The following UBR4 variants were observed in gnomAD, a reference collection of about 807,000 sequenced individuals.
UBR4 encodes E3 ubiquitin-protein ligase UBR4.
In UBR4, 124 loss-of-function variants were observed where a neutral mutation model predicts 575.6. The ratio of observed to expected loss-of-function variants is 0.22; its 90% CI spans 0.19 to 0.25. UBR4 has a LOEUF of 0.25. UBR4 is among the 10% of genes least tolerant of loss of function. The pLI, the probability that UBR4 is intolerant of heterozygous loss-of-function variation, is 1.00. For missense variants in UBR4, 4,818 were observed against 6,478.8 expected (o/e 0.74, Z 8.80); for synonymous variants, 2,455 against 2,473.7 (o/e 0.99, Z 0.22).
At position 19,201,767 on chromosome 1, in the gene UBR4, T is replaced by C. The variant is rs763500817; in HGVS notation, c.225A>G (p.Ser75=). ...AGTGTGTGGAAAGTGCAACAAAAGA[T>C]GAGTAGAATGGCTCGTACTGCTTCT... ...HHEKQYEPFY[S]SFVALSTHYI... is the part of the protein sequence containing the mutation. Residue 75 remains serine (S), a synonymous_variant, in exon 2 of 106, where the codon TCA becomes TCG. Transcript: ENST00000375254. 1 of 1,614,126 alleles carries C rather than the reference T, an allele frequency of 6.2e-7. No individual in the cohort carries two copies. The highest frequency in any genetic ancestry group is 1.1e-5 in the South Asian group (1 of 91,078).
rs376346132 is a variant in UBR4, at chr1:19,151,714, C to T, written c.7142G>A (p.Arg2381His). The T allele has an allele frequency of 2.1e-5, 34 of 1,614,162 alleles. No individual in the cohort carries two copies. Among genetic ancestry groups the T allele is most frequent in the Non-Finnish European group, 2.7e-5 (32 of 1,180,006 alleles). The change falls in exon 48 of 106, where the codon CGC becomes CAC. Residue 2381 changes from arginine (R) to histidine (H), a missense_variant. Coordinates refer to ENST00000375254, the MANE Select transcript of UBR4 (RefSeq NM_020765.3). ...GAAGGGGAAGTCAAACCAGCGTGAG[C>T]GACTCAGGTTGAGCTGCATAGTTCT... is the stretch of plus-strand genomic sequence containing the variant. ...FGRTMQLNLS[R>H]SRWFDFPFTR...
Position 19,106,985 on chromosome 1 carries a change from G to A in UBR4, c.12106-19C>T, listed in dbSNP as rs1232222715. ...GGACATCCTGGAGGAGGCAAGTGGA[G>A]CAAGGTGAGGGCGCTCAAGGGCACA... On this transcript the variant is annotated intron_variant, in intron 81 of 105. Coordinates refer to ENST00000375254, the MANE Select transcript of UBR4 (RefSeq NM_020765.3). The A allele has an allele frequency of 1.9e-6, 3 of 1,611,022 alleles. No homozygotes were observed. The highest frequency in any genetic ancestry group is 1.7e-5 in the Admixed American group (1 of 59,890).
At chr1:19,107,583 G>C (rs141686730) in intron 81 of UBR4, among the ~76,000 whole-genome samples, 3 of 152,224 alleles carry the variant, frequency 2.0e-5, no homozygotes, top group Admixed American at 6.5e-5. Context: ...AGGAGTTCGA[G>C]ACCAGCCTGG....
At position 19,210,170 on chromosome 1, in the gene UBR4, G is replaced by A; in HGVS notation, c.79C>T (p.Pro27Ser). Residue 27 changes from proline to serine, a missense_variant, in exon 1 of 106, where the codon CCG (proline) becomes TCG (serine). Coordinates refer to ENST00000375254, the MANE Select transcript of UBR4 (RefSeq NM_020765.3). ...GGCCGCACAGCCACCTCCCAGCCCG[G>A]GGTCGTGTCCGCCCCCGTTGCCGGG... is the stretch of plus-strand genomic sequence containing the variant. Reference protein sequence around the residue: ...GTPATGADTTPGWEVAVRPLL... With the variant: ...GTPATGADTTSGWEVAVRPLL... The A allele has an allele frequency of 5.2e-6, 8 of 1,544,430 alleles. No individual in the cohort carries two copies. The highest frequency in any genetic ancestry group is 6.1e-6 in the Non-Finnish European group (7 of 1,149,780).
rs111530956 is a variant in UBR4 at position 19,202,658 on chromosome 1, C to T, written c.177-843G>A. ...AGAGTCGGTGATTTTTTTTTTTAACCACATCCCTTATCCTTAGCTGGGGAA... is the reference window on the plus strand; with the variant it reads ...AGAGTCGGTGATTTTTTTTTTTAACTACATCCCTTATCCTTAGCTGGGGAA... On this transcript the variant is annotated intron_variant, in intron 1 of 105. Transcript: ENST00000375254. Among the ~76,000 whole-genome samples, 164 of 151,990 alleles carry T rather than the reference C, an allele frequency of 1.1e-3. 2 individuals are homozygous for T. The highest frequency in any genetic ancestry group is 3.7e-3 in the African/African-American group (152 of 41,426).
Position 19,187,169 on chromosome 1 carries a change from T to C in UBR4, c.1627A>G (p.Arg543Gly), listed in dbSNP as rs780979323. Residue 543 changes from arginine (R) to glycine (G), a missense_variant, in exon 13 of 106, where the codon AGA becomes GGA. Arg to Gly is a moderately radical substitution (Grantham distance 125). Coordinates refer to ENST00000375254, the MANE Select transcript of UBR4 (RefSeq NM_020765.3). ...ATGGCTTAACTCCCACCCACCTTTC[T>C]GTAGGAAGTTGAAAGTAACGTCAAG... ...LLLTLLSTSY[R>G]KACVLQRQRK... is the part of the protein sequence containing the mutation. The C allele has an allele frequency of 5.0e-6, 8 of 1,608,510 alleles. No individual in the cohort carries two copies. The highest frequency in any genetic ancestry group is 2.7e-5 in the African/African-American group (2 of 74,754).
intron 104 of UBR4, 58 bp from the exon 105 acceptor site, chr1:19,076,960 G>T (rs117829833): frequency 1.2e-5 from 18 of 1,508,910 alleles, no homozygotes; most frequent in Admixed American, 4.6e-5. Context: ...CTCATCTTCC[G>T]CCTCAAGTCA....
In UBR4 at chr1:19,201,723, C is replaced by T. The variant is rs2092754246; in HGVS notation, c.269G>A (p.Ser90Asn). 6.2e-7 allele frequency: 1 copy of T among 1,613,496 alleles called. No homozygotes were observed. Among genetic ancestry groups the T allele is most frequent in the Non-Finnish European group, 8.5e-7 (1 of 1,179,530 alleles). Residue 90 changes from serine (S) to asparagine (N), a missense_variant, in exon 2 of 106, where the codon AGT (serine) becomes AAT (asparagine). Physicochemically the swap from Ser to Asn is conservative, Grantham distance 46 (BLOSUM62 1). Coordinates refer to ENST00000375254, the MANE Select transcript of UBR4 (RefSeq NM_020765.3). Reference sequence around the variant, plus strand: ...GACAAGAGTGGAATACTTACTGAGACTGCAAACTGTTGTAATATAGTGTGT... The same window carrying T: ...GACAAGAGTGGAATACTTACTGAGATTGCAAACTGTTGTAATATAGTGTGT... The part of the protein sequence containing the change: ...LSTHYITTVC[S>N]LIPRNQLQSV...
At position 19,171,910 on chromosome 1, in the gene UBR4, TA is replaced by T. The variant is rs113734675; in HGVS notation, c.3521+953del. Reference sequence around the variant, plus strand: ...TCCTACAGGGACCAGATAAAGTCAATAAGCTTAAGAGAGCCCGGTGAAAACT... The same window carrying T: ...TCCTACAGGGACCAGATAAAGTCAATAGCTTAAGAGAGCCCGGTGAAAACT... On this transcript the variant is annotated intron_variant, in intron 25 of 105. Coordinates refer to ENST00000375254, the MANE Select transcript of UBR4 (RefSeq NM_020765.3). Among the ~76,000 whole-genome samples, 658 of 152,170 alleles carry T rather than the reference TA, an allele frequency of 4.3e-3. 5 individuals are homozygous for T. The highest frequency in any genetic ancestry group is 0.017 in the Middle Eastern group (5 of 294).
chr1:19,155,162 T>C, intron 43 of UBR4, 87 bp from the exon 44 acceptor site: 1 of 1,552,172 alleles, frequency 6.4e-7, no homozygotes, highest in Non-Finnish European at 8.8e-7. Flanking sequence ...TTTTCAATCA[T>C]GATCAGGTGC....
chr1:19,208,192 G>C (rs1355957259), intron 1 of UBR4, among the ~76,000 whole-genome samples: 1 of 151,986 alleles, frequency 6.6e-6, no homozygotes, highest in African/African-American at 2.4e-5. Context: ...TTCCGGCTGG[G>C]CACGGTAGCT....
intron 97 of UBR4, among the ~76,000 whole-genome samples, chr1:19,090,862 A>AGGGGAGCGGATCACCTGAGGTCAGGAGTT (rs1253108482): frequency 8.5e-5 from 13 of 152,172 alleles, no homozygotes; most frequent in Non-Finnish European, 1.5e-4. Context: ...TGGGAGGCTG[A>AGGGGAGCGGATCACCTGAGGTCAGGAGTT]GGGGAGCGGA....
At chr1:19,106,291 A>C (rs2079188355) in intron 83 of UBR4, among the ~76,000 whole-genome samples, 1 of 152,212 alleles carries the variant, frequency 6.6e-6, no homozygotes, top group Non-Finnish European at 1.5e-5. Context: ...GAAGATACGA[A>C]AAATGGAAGG....
At chr1:19,196,751 C>T (rs943618190) in intron 8 of UBR4, among the ~76,000 whole-genome samples, 18 of 152,234 alleles carry the variant, frequency 1.2e-4, no homozygotes, top group Admixed American at 1.1e-3. Flanking sequence ...TTCTATACTT[C>T]TATTGCCTTT....
At position 19,153,931 on chromosome 1, in the gene UBR4, C is replaced by T; in HGVS notation, c.6467G>A (p.Gly2156Asp). 2 of 1,613,300 alleles carry T rather than the reference C, an allele frequency of 1.2e-6. No individual in the cohort carries two copies. The highest frequency in any genetic ancestry group is 2.2e-5 in the South Asian group (2 of 90,884). The change falls in exon 45 of 106, where the codon GGT becomes GAT. Residue 2156 changes from glycine to aspartate, a missense_variant. By Grantham distance (94) the Gly-to-Asp change is moderately conservative. Around this residue, in one of 29 missense-constraint regions of UBR4, gnomAD observed 461 missense variants for 606.9 expected, o/e 0.76. Transcript: ENST00000375254. The surrounding 1 kb of genome is among the most constrained non-coding windows in gnomAD (Gnocchi z 4.1). ...AAGAGCAGGAGAAGTCTTACTGCCA[C>T]CATTGGAACTGCAGACAACAAAACT... ...LFPINIKSSN[G>D]GSKTSPALCQ... is the part of the protein sequence containing the mutation.
At chr1:19,170,429 G>A (rs1245314281) in intron 26 of UBR4, among the ~76,000 whole-genome samples, 1 of 152,116 alleles carries the variant, frequency 6.6e-6, no homozygotes, top group African/African-American at 2.4e-5. Context: ...GGAGGGGAGG[G>A]GAGGAGAGCA....
intron 100 of UBR4, among the ~76,000 whole-genome samples, 179 bp downstream of exon 100, chr1:19,086,500 C>G (rs1433589248): frequency 2.0e-5 from 3 of 152,190 alleles, no homozygotes; most frequent in Non-Finnish European, 2.9e-5. Context: ...GGGCCCAGGC[C>G]AAAGCATATT....
Position 19,110,092 on chromosome 1 carries a change from G to A in UBR4, c.12105+4C>T. 6.2e-7 allele frequency: 1 copy of A among 1,614,060 alleles called. No homozygotes were observed. The highest frequency in any genetic ancestry group is 8.5e-7 in the Non-Finnish European group (1 of 1,180,000). On this transcript the variant is annotated splice_donor_region_variant and intron_variant, in intron 81 of 105. Transcript: ENST00000375254. The surrounding 1 kb of genome is among the most constrained non-coding windows in gnomAD (Gnocchi z 4.5). ...CCTTGTTAGACCCCTGCTTGGCCCA[G>A]TACCTTGTTCTTCTTGCTAGTGGGA...
intron 1 of UBR4, among the ~76,000 whole-genome samples, chr1:19,209,493 C>T (rs919237158): frequency 6.6e-6 from 1 of 152,214 alleles, no homozygotes; most frequent in East Asian, 1.9e-4. Context: ...AACACACACA[C>T]CACACATCCT....
Sources: allele counts gnomAD v4.1 joint callset (sites outside exome capture counted in the v4.1 genomes callset), GRCh38; gene constraint gnomAD v4.1.1; regional missense constraint gnomAD v4.1.1; non-coding constraint Gnocchi (gnomAD v3.1); transcripts MANE v1.5; gene names NCBI Gene and HGNC (gene_info 2026-07-23, HGNC 2026-07-21).